Variants in GAD2 observed in about 807,000 individuals in gnomAD.
The protein encoded by GAD2 is glutamate decarboxylase 2.
A neutral mutation model predicts 80.1 loss-of-function variants in GAD2; 22 were observed. The ratio of observed to expected loss-of-function variants is 0.27; its 90% confidence interval spans 0.20 to 0.39. GAD2 has a LOEUF of 0.39. Among genes scored for constraint, GAD2 ranks in the 10% least tolerant of loss-of-function variants. The probability of loss-of-function intolerance (pLI) is 1.00; values close to 1 mark genes in which losing one functional copy is unlikely to be tolerated. For synonymous variants in GAD2, 274 were observed against 256.9 expected (o/e 1.07, Z -0.64); for missense variants, 624 against 738.4 (o/e 0.85, Z 1.80).
At chr10:26,224,800 A>G in intron 6 of GAD2, 149 bp downstream of exon 6, 1 of 614,650 alleles carries the variant, frequency 1.6e-6, no homozygotes, top group South Asian at 2.0e-5. Flanking sequence ...GATTAAGTGC[A>G]CATGACCATT....
chr10:26,219,313 G>A (rs768514276), intron 4 of GAD2, 37 bp downstream of exon 4: 27 of 1,288,462 alleles, frequency 2.1e-5, no homozygotes, highest in South Asian at 2.9e-5. Flanking sequence ...CTCTTTTTTC[G>A]TTTACAATTT....
chr10:26,220,463 G>A (rs932212422), intron 4 of GAD2, among the ~76,000 whole-genome samples: 5 of 152,090 alleles, frequency 3.3e-5, no homozygotes, highest in African/African-American at 1.2e-4. Context: ...AGAGAAGAAA[G>A]GTAGGCATAC....
At chr10:26,292,332 G>A in intron 13 of GAD2, 133 bp from the exon 14 acceptor site, 2 of 642,216 alleles carry the variant, frequency 3.1e-6, no homozygotes, top group Non-Finnish European at 5.4e-6. Context: ...AAAAGCCTTT[G>A]GAAACAGCCT....
intron 13 of GAD2, 116 bp from the exon 14 acceptor site, chr10:26,292,349 G>A: frequency 1.4e-6 from 1 of 725,676 alleles, no homozygotes; most frequent in South Asian, 1.8e-5. Flanking sequence ...GCCTTGTGTT[G>A]AGAAAGTGCC....
In GAD2 at chr10:26,217,964, G is replaced by A. The variant is rs1374161085; in HGVS notation, c.259G>A (p.Val87Ile). The part of the protein sequence containing the change: ...QKPCSCSKVD[V>I]NYAFLHATDL... ...GCCCTGCAGCTGCTCCAAAGTGGAT[G>A]TCAACTACGCGTTTCTCCATGCAAC... The change falls in exon 3 of 16, where the codon GTC (valine) becomes ATC (isoleucine). Residue 87 changes from valine to isoleucine, a missense_variant. By Grantham distance (29) the Val-to-Ile change is conservative (BLOSUM62 3). Transcript: ENST00000376261. The surrounding 1 kb of genome is among the most constrained non-coding windows in gnomAD (Gnocchi z 4.9). 1 of 1,611,430 alleles carries A rather than the reference G, an allele frequency of 6.2e-7. No homozygotes were observed. Among genetic ancestry groups the A allele is most frequent in the Non-Finnish European group, 8.5e-7 (1 of 1,179,020 alleles).
chr10:26,217,963 T>C lies in GAD2; in HGVS notation c.258T>C (p.Asp86=), dbSNP rs199905401. Residue 86 remains aspartate (D), a synonymous_variant, in exon 3 of 16, where the codon GAT becomes GAC. Coordinates refer to ENST00000376261, the MANE Select transcript of GAD2 (RefSeq NM_001134366.2). This position sits in a 1 kb window ranked among gnomAD's most constrained non-coding sequence, Gnocchi z 4.9. ...DQKPCSCSKV[D]VNYAFLHATD... is the part of the protein sequence containing the mutation. Reference sequence around the variant, plus strand: ...AGCCCTGCAGCTGCTCCAAAGTGGATGTCAACTACGCGTTTCTCCATGCAA... The same window carrying C: ...AGCCCTGCAGCTGCTCCAAAGTGGACGTCAACTACGCGTTTCTCCATGCAA... The C allele has an allele frequency of 4.5e-4, 724 of 1,611,498 alleles. No individual in the cohort carries two copies. The highest frequency in any genetic ancestry group is 5.6e-4 in the Non-Finnish European group (658 of 1,178,992).
At chr10:26,219,390 T>C (rs890379987) in intron 4 of GAD2, 114 bp downstream of exon 4, 8 of 673,650 alleles carry the variant, frequency 1.2e-5, no homozygotes, top group African/African-American at 3.7e-5. Flanking sequence ...AATTGCAAAG[T>C]TATTTTCATC....
chr10:26,218,847 A>G (rs1306288950), intron 3 of GAD2, among the ~76,000 whole-genome samples, 196 bp from the exon 4 acceptor site: 1 of 152,246 alleles, frequency 6.6e-6, no homozygotes, highest in African/African-American at 2.4e-5. Context: ...GGAAGAGAAG[A>G]AATCATAATT....
intron 8 of GAD2, among the ~76,000 whole-genome samples, chr10:26,246,984 G>A (rs1844817917): frequency 6.6e-6 from 1 of 152,172 alleles, no homozygotes; most frequent in Non-Finnish European, 1.5e-5. Flanking sequence ...CAGGAAAGGG[G>A]TCCTGATCCA....
At chr10:26,295,043 G>A (rs1834257621) in intron 15 of GAD2, among the ~76,000 whole-genome samples, 1 of 91,980 alleles carries the variant, frequency 1.1e-5, no homozygotes, top group African/African-American at 5.2e-5. Context: ...ATTATCACTG[G>A]GCTGAGGGAT....
intron 12 of GAD2, among the ~76,000 whole-genome samples, chr10:26,284,457 T>G (rs1272189025): frequency 6.6e-6 from 1 of 152,124 alleles, no homozygotes; most frequent in African/African-American, 2.4e-5. Flanking sequence ...GTCTATAACT[T>G]TTTCATGGCT....
chr10:26,270,062 G>T (rs774035467), intron 9 of GAD2, among the ~76,000 whole-genome samples: 1 of 152,168 alleles, frequency 6.6e-6, no homozygotes, highest in Non-Finnish European at 1.5e-5. Context: ...CTTCCAGCCC[G>T]TTACTTCAAT....
chr10:26,291,433 A>C (rs1310624890), intron 13 of GAD2, among the ~76,000 whole-genome samples: 2 of 152,164 alleles, frequency 1.3e-5, no homozygotes. Context: ...GTCTCCAAAG[A>C]AGTGAATTTC....
chr10:26,249,755 G>A (rs1209594578), intron 8 of GAD2, among the ~76,000 whole-genome samples: 1 of 152,234 alleles, frequency 6.6e-6, no homozygotes, highest in Non-Finnish European at 1.5e-5. Context: ...CAAGGGGCCT[G>A]CCTGAGGACA....
intron 8 of GAD2, among the ~76,000 whole-genome samples, chr10:26,251,516 C>T (rs957339086): frequency 1.3e-5 from 2 of 152,134 alleles, no homozygotes; most frequent in African/African-American, 2.4e-5. Flanking sequence ...GAAAACAATC[C>T]GACAATGGGA....
At chr10:26,234,731 C>A (rs1589139543) in intron 7 of GAD2, among the ~76,000 whole-genome samples, 1 of 152,290 alleles carries the variant, frequency 6.6e-6, no homozygotes, top group East Asian at 1.9e-4. Context: ...CAATTAGACA[C>A]CATCACTGAA....
intron 15 of GAD2, 70 bp from the exon 16 acceptor site, chr10:26,300,718 C>A: frequency 7.1e-7 from 1 of 1,400,754 alleles, no homozygotes; most frequent in Non-Finnish European, 1.0e-6. Flanking sequence ...ACGCTGCTTG[C>A]TGTTGGGTTC....
intron 4 of GAD2, among the ~76,000 whole-genome samples, chr10:26,222,098 A>G (rs920693638): frequency 1.3e-5 from 2 of 152,204 alleles, no homozygotes; most frequent in African/African-American, 4.8e-5. Context: ...AGGGAATGAA[A>G]TTTTTGAGGC....
At chr10:26,233,890 T>G (rs539937249) in intron 7 of GAD2, among the ~76,000 whole-genome samples, 6 of 152,284 alleles carry the variant, frequency 3.9e-5, no homozygotes, top group Admixed American at 3.9e-4. Context: ...CAGACGCTGC[T>G]TCGGGTGTTC....
Sources: allele counts gnomAD v4.1 joint callset (sites outside exome capture counted in the v4.1 genomes callset), GRCh38; gene constraint gnomAD v4.1.1; non-coding constraint Gnocchi (gnomAD v3.1); transcripts MANE v1.5; gene names NCBI Gene and HGNC (gene_info 2026-07-23, HGNC 2026-07-21).